The following DLG2 variants were observed in gnomAD, a reference collection of about 807,000 sequenced individuals.
DLG2 encodes the protein discs large MAGUK scaffold protein 2.
DLG2 carries 45 observed loss-of-function variants against 132.5 expected under a neutral mutation model. That is an observed-to-expected ratio of 0.34 (90% CI 0.27 to 0.44). DLG2 has a LOEUF of 0.44. DLG2 is among the 20% of genes least tolerant of loss of function. The pLI, the probability that DLG2 is intolerant of heterozygous loss-of-function variation, is 1.00. For synonymous variants in DLG2, 424 were observed against 419.6 expected (o/e 1.01, Z -0.13); for missense variants, 1,045 against 1,196.9 (o/e 0.87, Z 1.87).
At chr11:84,906,381 AACACACACACAC>A (rs35833007) in intron 6 of DLG2, among the ~76,000 whole-genome samples, 3 of 144,278 alleles carry the variant, frequency 2.1e-5, no homozygotes, top group East Asian at 2.1e-4. Context: ...CAGCAAGGCT[AACACACACACAC>A]ACACACACAC....
chr11:84,359,263 C>A (rs2098636113), intron 7 of DLG2, among the ~76,000 whole-genome samples: 1 of 151,756 alleles, frequency 6.6e-6, no homozygotes. Flanking sequence ...AATCAATATG[C>A]TGTTGTTCTA....
chr11:84,059,218 G>C, intron 11 of DLG2, 97 bp downstream of exon 11: 1 of 1,218,852 alleles, frequency 8.2e-7, no homozygotes. Flanking sequence ...AGCACTGAAT[G>C]TCAGAGGTTA....
At position 83,510,190 on chromosome 11, in the gene DLG2, T is replaced by C. The variant is rs538156363; in HGVS notation, c.2193+22518A>G. On this transcript the variant is annotated intron_variant, in intron 21 of 27. Coordinates refer to ENST00000376104, the MANE Select transcript of DLG2 (RefSeq NM_001142699.3). ...ATTCAGACTCTATACTAGGAAGATG[T>C]TCTTTCTTTCTACCTCCCCTCATTC... Among the ~76,000 whole-genome samples, 24 of 152,194 alleles carry C rather than the reference T, an allele frequency of 1.6e-4. 2 individuals are homozygous for C. In the South Asian group the frequency reaches 3.1e-3, roughly 20 times the overall value.
At chr11:85,435,524 A>G (rs2091431614) in intron 3 of DLG2, among the ~76,000 whole-genome samples, 1 of 152,170 alleles carries the variant, frequency 6.6e-6, no homozygotes, top group Non-Finnish European at 1.5e-5. Context: ...AACAAGAGAC[A>G]AGCAGAAAGC....
intron 6 of DLG2, among the ~76,000 whole-genome samples, chr11:84,594,110 T>A (rs2099550549): frequency 6.6e-6 from 1 of 152,200 alleles, no homozygotes; most frequent in African/African-American, 2.4e-5. Flanking sequence ...GAAGACTTTA[T>A]ATCCTTAGAA....
chr11:84,766,518 A>G (rs2068439328), intron 6 of DLG2, among the ~76,000 whole-genome samples: 1 of 152,212 alleles, frequency 6.6e-6, no homozygotes, highest in African/African-American at 2.4e-5. Context: ...CAAACAGAAT[A>G]TCAGTTCAGC....
chr11:83,794,659 A>G (rs2153911698), intron 17 of DLG2, among the ~76,000 whole-genome samples: 2 of 152,240 alleles, frequency 1.3e-5, no homozygotes, highest in South Asian at 4.2e-4. Flanking sequence ...ATAGTTATAT[A>G]TTATTTCATT....
chr11:83,897,498 G>C (rs1020691571), intron 15 of DLG2, among the ~76,000 whole-genome samples: 2 of 152,182 alleles, frequency 1.3e-5, no homozygotes, highest in Non-Finnish European at 2.9e-5. Context: ...TATTTTAAAT[G>C]TTAAATTACT....
chr11:84,593,702 C>T (rs759971854), intron 6 of DLG2, among the ~76,000 whole-genome samples: 7 of 152,148 alleles, frequency 4.6e-5, no homozygotes, highest in South Asian at 2.1e-4. Flanking sequence ...ATGTAGACGA[C>T]GGGTTGATGG....
At chr11:84,597,517 G>A (rs1331666481) in intron 6 of DLG2, among the ~76,000 whole-genome samples, 1 of 152,178 alleles carries the variant, frequency 6.6e-6, no homozygotes, top group Non-Finnish European at 1.5e-5. Context: ...ATGATAATGA[G>A]TAGAGGAAGA....
intron 21 of DLG2, among the ~76,000 whole-genome samples, chr11:83,514,009 C>A (rs928996280): frequency 6.6e-5 from 10 of 152,130 alleles, no homozygotes; most frequent in African/African-American, 2.4e-4. Context: ...CTTGGCAATG[C>A]GGGCTCTTTT....
At chr11:85,410,236 T>G (rs1212424154) in intron 3 of DLG2, among the ~76,000 whole-genome samples, 2 of 151,900 alleles carry the variant, frequency 1.3e-5, no homozygotes, top group African/African-American at 4.8e-5. Flanking sequence ...TCATTTTTTA[T>G]ATTACAGATA....
At chr11:83,870,071 C>T (rs539631181) in intron 16 of DLG2, among the ~76,000 whole-genome samples, 10 of 152,242 alleles carry the variant, frequency 6.6e-5, no homozygotes, top group Admixed American at 5.2e-4. Flanking sequence ...TCAATTTGTG[C>T]CACCTCCCCT....
chr11:83,541,635 G>T (rs746640952), intron 20 of DLG2, 47 bp downstream of exon 20: 4 of 1,469,286 alleles, frequency 2.7e-6, no homozygotes, highest in African/African-American at 1.4e-5. Flanking sequence ...ATCTCCACTC[G>T]CTGGATAGCT....
chr11:83,885,388 G>C (rs993814124), intron 15 of DLG2, among the ~76,000 whole-genome samples: 2 of 152,076 alleles, frequency 1.3e-5, no homozygotes, highest in Non-Finnish European at 2.9e-5. Flanking sequence ...GACAAAGGAA[G>C]TTTAGAGAAA....
chr11:83,891,959 T>C (rs1301958939), intron 15 of DLG2, among the ~76,000 whole-genome samples: 3 of 152,162 alleles, frequency 2.0e-5, no homozygotes, highest in Non-Finnish European at 4.4e-5. Context: ...TGAATCTTCC[T>C]TACAATGGTC....
intron 6 of DLG2, among the ~76,000 whole-genome samples, chr11:84,950,183 A>G (rs1170443561): frequency 1.3e-5 from 2 of 152,182 alleles, no homozygotes; most frequent in Non-Finnish European, 2.9e-5. Flanking sequence ...GTACATTTTT[A>G]AAGTTTGGAG....
chr11:85,134,311 C>A (rs1320633634), intron 5 of DLG2, among the ~76,000 whole-genome samples: 1 of 149,298 alleles, frequency 6.7e-6, no homozygotes, highest in Non-Finnish European at 1.5e-5. Context: ...GGGCGGATCA[C>A]GAGGTCAGGA....
intron 3 of DLG2, among the ~76,000 whole-genome samples, chr11:85,309,490 A>G (rs2080180009): frequency 6.6e-6 from 1 of 152,128 alleles, no homozygotes; most frequent in Non-Finnish European, 1.5e-5. Context: ...AAACCAAGTT[A>G]TAAACCATTA....
Sources: gnomAD v4.1 joint callset for allele counts (sites outside exome capture counted in the v4.1 genomes callset) on GRCh38, gnomAD v4.1.1 for gene constraint, MANE v1.5 for transcripts, NCBI Gene and HGNC (gene_info 2026-07-23, HGNC 2026-07-21) for gene names.